The following VPS11 variants were observed in gnomAD, a reference collection of about 807,000 sequenced individuals.
VPS11 encodes the protein vacuolar protein sorting-associated protein 11 homolog.
VPS11 carries 51 observed loss-of-function variants against 106.8 expected under a neutral mutation model. The ratio of observed to expected loss-of-function variants is 0.48; its 90% confidence interval spans 0.38 to 0.60. VPS11 has a LOEUF of 0.60. VPS11 is among the 20% of genes least tolerant of loss of function. The pLI, the probability that VPS11 is intolerant of heterozygous loss-of-function variation, is 0.00. For missense variants in VPS11, 950 were observed against 1,190.0 expected, an observed-to-expected ratio of 0.80 and a Z score of 2.97; for synonymous variants, 453 against 458.7, an observed-to-expected ratio of 0.99 and a Z score of 0.16.
At chr11:119,068,174 C>T in intron 1 of VPS11, 164 bp downstream of exon 1, 2 of 760,000 alleles carry the variant, frequency 2.6e-6, no homozygotes, top group Non-Finnish European at 4.0e-6. Context: ...AGTCCATCTC[C>T]TAACTTGTTA....
At position 119,078,987 on chromosome 11, in the gene VPS11, A is replaced by G; in HGVS notation, c.2256A>G (p.Pro752=). The change falls in exon 13 of 16, where the codon CCA becomes CCG. Residue 752 remains proline (P), a synonymous_variant. Coordinates refer to ENST00000621676, the MANE Select transcript of VPS11 (RefSeq NM_021729.6). The part of the protein sequence containing the change: ...LKHIENKNLM[P]PLLVVQTLAH... ...ATATCGAGAACAAGAACCTCATGCCACCTCTTCTAGGTACTTGGGAAGACA... is the reference window on the plus strand; with the variant it reads ...ATATCGAGAACAAGAACCTCATGCCGCCTCTTCTAGGTACTTGGGAAGACA... 1 of 1,614,014 alleles carries G rather than the reference A, an allele frequency of 6.2e-7. No individual in the cohort carries two copies. Among genetic ancestry groups the G allele is most frequent in the South Asian group, 1.1e-5 (1 of 91,088 alleles).
chr11:119,078,390 C>G (rs1945717595), intron 11 of VPS11, 56 bp downstream of exon 11: 1 of 1,592,944 alleles, frequency 6.3e-7, no homozygotes, highest in Middle Eastern at 1.8e-4. Flanking sequence ...CTCCATTCTT[C>G]CGTCTTGGTG....
intron 7 of VPS11, among the ~76,000 whole-genome samples, chr11:119,076,095 A>G (rs1190208709): frequency 6.6e-6 from 1 of 151,770 alleles, no homozygotes; most frequent in African/African-American, 2.4e-5. Context: ...GTGTGGTGGC[A>G]TGCACCTGTA....
chr11:119,077,773 T>C, intron 9 of VPS11, 105 bp from the exon 10 acceptor site: 2 of 1,554,380 alleles, frequency 1.3e-6, no homozygotes, highest in Non-Finnish European at 8.7e-7. Context: ...GACTCTCAAC[T>C]TGGGCAGAGC....
chr11:119,069,637 T>A (rs1945292267), intron 3 of VPS11, 60 bp downstream of exon 3: 1 of 1,609,036 alleles, frequency 6.2e-7, no homozygotes, highest in African/African-American at 1.3e-5. Flanking sequence ...CAGAGTTGCT[T>A]CTGCCTCTCA....
intron 7 of VPS11, among the ~76,000 whole-genome samples, chr11:119,074,328 T>C (rs1232612862): frequency 6.6e-6 from 1 of 152,140 alleles, no homozygotes. Flanking sequence ...TCAGGTGATC[T>C]GCCCGCTTCA....
chr11:119,077,463 C>A, intron 8 of VPS11, 38 bp from the exon 9 acceptor site: 1 of 1,604,282 alleles, frequency 6.2e-7, no homozygotes, highest in Non-Finnish European at 8.5e-7. Flanking sequence ...CTCTATCTCC[C>A]TCTGTGTAAA....
chr11:119,068,716 G>A lies in VPS11; in HGVS notation c.188-480G>A, dbSNP rs189929430. Among the ~76,000 whole-genome samples the A allele has an allele frequency of 7.5e-4, 114 of 151,116 alleles. 4 individuals are homozygous for A. The East Asian group carries it at 0.016, about 21-fold the overall frequency. ...CCGCCTCGGCCTCCCAAAGTGCTGG[G>A]ATTACAGGAGTGAGCCATCGCGCCC... On this transcript the variant is annotated intron_variant, in intron 1 of 15. Transcript: ENST00000621676.
rs782766547 is a variant in VPS11 at position 119,078,877 on chromosome 11, G to A, written c.2146G>A (p.Asp716Asn). 5 of 1,614,048 alleles carry A rather than the reference G, an allele frequency of 3.1e-6. No homozygotes were observed. In the South Asian group the frequency reaches 4.4e-5, roughly 14 times the overall value. Residue 716 changes from aspartate (D) to asparagine (N), a missense_variant, in exon 13 of 16, where the codon GAC (aspartate) becomes AAC (asparagine). By Grantham distance (23) the Asp-to-Asn change is conservative. Transcript: ENST00000621676. ...ISVCERHGEQDPSLWEQALSY... is the reference protein window; with the variant it reads ...ISVCERHGEQNPSLWEQALSY... ...CGTGTGTGAGCGCCATGGGGAGCAG[G>A]ACCCCTCCTTGTGGGAGCAGGCCCT...
chr11:119,070,247 C>T lies in VPS11; in HGVS notation c.486C>T (p.Gly162=), dbSNP rs1784302. ...GTTTTCTTACAGGTTTCACAGATGGCAGTGTTACATTGAACAAAGGAGACA... is the reference window on the plus strand; with the variant it reads ...GTTTTCTTACAGGTTTCACAGATGGTAGTGTTACATTGAACAAAGGAGACA... ...LNFMAIGFTD[G]SVTLNKGDIT... Residue 162 remains glycine (G), a synonymous_variant, in exon 4 of 16, where the codon GGC becomes GGT. Transcript: ENST00000621676. 2 of 1,608,684 alleles carry T rather than the reference C, an allele frequency of 1.2e-6. No homozygotes were observed. The highest frequency in any genetic ancestry group is 1.7e-6 in the Non-Finnish European group (2 of 1,176,628).
At chr11:119,071,035 C>T (rs1008541982) in intron 4 of VPS11, among the ~76,000 whole-genome samples, 1 of 148,576 alleles carries the variant, frequency 6.7e-6, no homozygotes, top group African/African-American at 2.5e-5. Context: ...CTCAAGTGAT[C>T]CTCCCACCTC....
chr11:119,072,215 C>T (rs1259143070), intron 5 of VPS11: 1 of 226,324 alleles, frequency 4.4e-6, no homozygotes, highest in East Asian at 9.6e-5. Flanking sequence ...ATCTACCCGC[C>T]TCGGCCTCCC....
Position 119,069,495 on chromosome 11 carries a change from A to G in VPS11, c.390A>G (p.Arg130=). The stretch of plus-strand genomic sequence containing the variant: ...ATGGTGGCAATCCACTCTGCACTCG[A>G]ATCTTCCCTGCTATTCCAGGAACAG... ...KRDGGNPLCT[R]IFPAIPGTEP... The change falls in exon 3 of 16, where the codon CGA becomes CGG. Residue 130 remains arginine (R), a synonymous_variant. Coordinates refer to ENST00000621676, the MANE Select transcript of VPS11 (RefSeq NM_021729.6). 1 of 1,614,032 alleles carries G rather than the reference A, an allele frequency of 6.2e-7. No individual in the cohort carries two copies. Among genetic ancestry groups the G allele is most frequent in the Admixed American group, 1.7e-5 (1 of 60,014 alleles).
chr11:119,071,285 CCT>C (rs1945379232), intron 4 of VPS11, among the ~76,000 whole-genome samples: 2 of 152,118 alleles, frequency 1.3e-5, no homozygotes, highest in African/African-American at 4.8e-5. Flanking sequence ...CTTTCTTGTT[CCT>C]GGTGCCCCAG....
intron 5 of VPS11, 90 bp downstream of exon 5, chr11:119,071,933 C>A: frequency 6.7e-7 from 1 of 1,489,900 alleles, no homozygotes; most frequent in Non-Finnish European, 9.1e-7. Flanking sequence ...TGGATACTGC[C>A]AATCTCCTAC....
chr11:119,076,681 A>G lies in VPS11; in HGVS notation c.1239-216A>G, dbSNP rs1945633193. 7 of 505,982 alleles carry G rather than the reference A, an allele frequency of 1.4e-5. No homozygotes were observed. The East Asian group carries it at 2.1e-4, about 15-fold the overall frequency. 31.3% of individuals were successfully genotyped at this position (505,982 alleles called of 1,614,324 possible). A position where few individuals can be genotyped will look rare whatever the true frequency, so the allele number is the denominator to read the frequency against. On this transcript the variant is annotated intron_variant, in intron 7 of 15. Coordinates refer to ENST00000621676, the MANE Select transcript of VPS11 (RefSeq NM_021729.6). ...GAATTCCTATTTTTAGCCAAATTTA[A>G]GAAGCAGTGCTCTGGAGCCTTGTTA... is the stretch of plus-strand genomic sequence containing the variant.
In VPS11 at chr11:119,081,663, G is replaced by C; in HGVS notation, c.*40G>C. On this transcript the variant is annotated 3_prime_UTR_variant, in exon 16 of 16. Coordinates refer to ENST00000621676, the MANE Select transcript of VPS11 (RefSeq NM_021729.6). Reference sequence around the variant, plus strand: ...GATGTGGGCAACAGTGGAGGACCAAGAGAACAGACACAATGGGACCTGGGC... The same window carrying C: ...GATGTGGGCAACAGTGGAGGACCAACAGAACAGACACAATGGGACCTGGGC... The C allele has an allele frequency of 6.2e-7, 1 of 1,606,882 alleles. No individual in the cohort carries two copies. Among genetic ancestry groups the C allele is most frequent in the Non-Finnish European group, 8.5e-7 (1 of 1,175,990 alleles).
rs1428297494 is a variant in VPS11, at chr11:119,081,177, T to G, written c.2524T>G (p.Phe842Val). ...PSVHFLCGHS[F>V]HQHCFESYSE... is the part of the protein sequence containing the mutation. ...AGTCCACTTCCTGTGTGGCCACTCC[T>G]TCCACCAACACTGCTTTGAGAGTTA... is the stretch of plus-strand genomic sequence containing the variant. The change falls in exon 15 of 16, where the codon TTC becomes GTC. Residue 842 changes from phenylalanine (F) to valine (V), a missense_variant. Around this residue, in one of 3 missense-constraint regions of VPS11, gnomAD observed 453 missense variants for 514.6 expected, o/e 0.88. Transcript: ENST00000621676. The G allele has an allele frequency of 6.2e-7, 1 of 1,614,042 alleles. No homozygotes were observed. The highest frequency in any genetic ancestry group is 8.5e-7 in the Non-Finnish European group (1 of 1,179,888).
Position 119,069,284 on chromosome 11 carries a change from A to C in VPS11, c.276A>C (p.Gln92His). 1 of 1,613,952 alleles carries C rather than the reference A, an allele frequency of 6.2e-7. No individual in the cohort carries two copies. The highest frequency in any genetic ancestry group is 8.5e-7 in the Non-Finnish European group (1 of 1,179,882). Residue 92 changes from glutamine to histidine, a missense_variant, in exon 2 of 16, where the codon CAA (glutamine) becomes CAC (histidine). Physicochemically the swap from Gln to His is conservative, Grantham distance 24. Transcript: ENST00000621676. ...AYKLRVTHLY[Q>H]LKQHNILASV... ...AACTACGGGTGACACACCTGTACCA[A>C]CTGAAGCAGCACAATATTCTGGCAT...
Sources: gnomAD v4.1 joint callset for allele counts (sites outside exome capture counted in the v4.1 genomes callset) on GRCh38, gnomAD v4.1.1 for gene constraint, gnomAD v4.1.1 regional missense constraint, MANE v1.5 for transcripts, NCBI Gene and HGNC (gene_info 2026-07-23, HGNC 2026-07-21) for gene names.